The following ATL2 variants were observed in gnomAD, a reference collection of about 807,000 sequenced individuals.
The protein encoded by ATL2 is atlastin-2.
ATL2 carries 31 observed loss-of-function variants against 73.9 expected under a neutral mutation model. The ratio of observed to expected loss-of-function variants is 0.42; its 90% CI spans 0.32 to 0.57. The LOEUF is 0.57. Ranked by LOEUF, ATL2 falls within the 20% of genes least tolerant of loss-of-function variation. The probability of loss-of-function intolerance (pLI) is 0.14; values close to 1 mark genes in which losing one functional copy is unlikely to be tolerated. For synonymous variants in ATL2, 291 were observed against 237.5 expected (o/e 1.23, Z -2.07); for missense variants, 738 against 702.6 (o/e 1.05, Z -0.57).
chr2:38,364,042 T>C (rs1289350759), intron 1 of ATL2, among the ~76,000 whole-genome samples: 4 of 152,118 alleles, frequency 2.6e-5, no homozygotes, highest in African/African-American at 9.7e-5. Context: ...GGCAGGCAGA[T>C]CATGAGGTCA....
At chr2:38,320,235 T>A (rs751546557) in intron 2 of ATL2, among the ~76,000 whole-genome samples, 53 of 152,314 alleles carry the variant, frequency 3.5e-4, no homozygotes, top group Non-Finnish European at 7.4e-4. Flanking sequence ...AAACTGGTTA[T>A]CTCATTAGAT....
intron 12 of ATL2, chr2:38,296,488 T>A: frequency 6.2e-7 from 1 of 1,611,182 alleles, no homozygotes; most frequent in Non-Finnish European, 8.5e-7. Flanking sequence ...ACTGTCTAAT[T>A]TTTCTTCTTG....
At position 38,296,397 on chromosome 2, in the gene ATL2, T is replaced by C. The variant is rs917159852; in HGVS notation, c.1633-284A>G. The C allele has an allele frequency of 3.8e-5, 58 of 1,531,590 alleles. 3 individuals are homozygous for C. The South Asian group carries it at 5.9e-4, about 16-fold the overall frequency. The allele number at this position is 1,531,590 out of a possible 1,614,324, so 94.9% of individuals were successfully genotyped here. ...AAATCTGGTATGTATACAGCATTTATGCAGACCGGCCCAGACGGTCCTGCT... is the reference window on the plus strand; with the variant it reads ...AAATCTGGTATGTATACAGCATTTACGCAGACCGGCCCAGACGGTCCTGCT... On this transcript the variant is annotated intron_variant, in intron 12 of 12. Coordinates refer to ENST00000378954, the MANE Select transcript of ATL2 (RefSeq NM_001135673.4).
intron 1 of ATL2, among the ~76,000 whole-genome samples, chr2:38,354,464 C>T (rs910378718): frequency 2.0e-5 from 3 of 152,042 alleles, no homozygotes; most frequent in Non-Finnish European, 4.4e-5. Flanking sequence ...AAATTACACC[C>T]TAAGGTTATG....
intron 1 of ATL2, among the ~76,000 whole-genome samples, chr2:38,347,660 A>G (rs2124424450): frequency 6.6e-6 from 1 of 152,198 alleles, no homozygotes; most frequent in African/African-American, 2.4e-5. Context: ...ATTCTCTACC[A>G]GCACCTACAA....
intron 2 of ATL2, among the ~76,000 whole-genome samples, chr2:38,329,820 A>C (rs932863029): frequency 2.0e-5 from 3 of 152,118 alleles, no homozygotes; most frequent in African/African-American, 7.2e-5. Flanking sequence ...GTAATCCATC[A>C]TAACAATAGT....
At position 38,344,479 on chromosome 2, in the gene ATL2, G is replaced by T. The variant is rs564747896; in HGVS notation, c.119-967C>A. Among the ~76,000 whole-genome samples, 97 of 152,154 alleles carry T rather than the reference G, an allele frequency of 6.4e-4. 1 individual carries two copies. Among genetic ancestry groups the T allele is most frequent in the African/African-American group, 2.3e-3 (94 of 41,502 alleles). On this transcript the variant is annotated intron_variant, in intron 1 of 12. Coordinates refer to ENST00000378954, the MANE Select transcript of ATL2 (RefSeq NM_001135673.4). ...ACAAAAATTAGCTGGGCATGGTAGC[G>T]GGCGCCTGTAGTCCCAGCTACTTGG...
intron 2 of ATL2, among the ~76,000 whole-genome samples, chr2:38,320,899 C>CT (rs1022319216): frequency 2.8e-4 from 42 of 151,646 alleles, no homozygotes; most frequent in African/African-American, 9.0e-4. Context: ...AATCCCAGCA[C>CT]TTTGAGAGGC....
At chr2:38,365,889 G>T (rs1671294881) in intron 1 of ATL2, among the ~76,000 whole-genome samples, 1 of 152,022 alleles carries the variant, frequency 6.6e-6, no homozygotes, top group African/African-American at 2.4e-5. Flanking sequence ...AGAGGTTGCA[G>T]TGAGCCAAGA....
chr2:38,300,583 C>A, intron 9 of ATL2: 1 of 354,778 alleles, frequency 2.8e-6, no homozygotes. Context: ...TATAAAATGC[C>A]ATCTTCTTTA....
At chr2:38,324,675 C>CTT (rs1668500173) in intron 2 of ATL2, among the ~76,000 whole-genome samples, 1 of 152,214 alleles carries the variant, frequency 6.6e-6, no homozygotes, top group South Asian at 2.1e-4. Flanking sequence ...AAGGACAACT[C>CTT]TAACTACTTA....
At chr2:38,320,763 G>T (rs72902147) in intron 2 of ATL2, among the ~76,000 whole-genome samples, 1 of 152,028 alleles carries the variant, frequency 6.6e-6, no homozygotes, top group African/African-American at 2.4e-5. Context: ...GCGTGAATTA[G>T]GAGTGGAGAG....
intron 9 of ATL2, among the ~76,000 whole-genome samples, chr2:38,307,809 G>C (rs1379791201): frequency 1.3e-5 from 2 of 152,082 alleles, no homozygotes; most frequent in Non-Finnish European, 2.9e-5. Context: ...CAAAAGATCT[G>C]AACAGACATT....
At chr2:38,371,854 G>A (rs1671708923) in intron 1 of ATL2, among the ~76,000 whole-genome samples, 4 of 152,132 alleles carry the variant, frequency 2.6e-5, no homozygotes, top group Admixed American at 2.6e-4. Flanking sequence ...CCAAGATCAC[G>A]CCACTGTACT....
chr2:38,314,706 T>C (rs769277598), intron 5 of ATL2, 42 bp from the exon 6 acceptor site: 1 of 1,333,172 alleles, frequency 7.5e-7, no homozygotes, highest in South Asian at 1.3e-5. Flanking sequence ...CTAAAGAGAT[T>C]GAAAGAAGAC....
intron 1 of ATL2, among the ~76,000 whole-genome samples, chr2:38,374,914 AT>A (rs1257540789): frequency 6.6e-6 from 1 of 152,248 alleles, no homozygotes; most frequent in Non-Finnish European, 1.5e-5. Context: ...ACTTAAGGCC[AT>A]AATCTTATTT....
At chr2:38,296,593 A>C (rs1337237893) in intron 12 of ATL2, 2 of 1,613,748 alleles carry the variant, frequency 1.2e-6, no homozygotes, top group Non-Finnish European at 1.7e-6. Flanking sequence ...GAAAACACCT[A>C]AAACATGAAG....
intron 12 of ATL2, chr2:38,297,784 G>A (rs759028326): frequency 3.7e-5 from 6 of 163,900 alleles, no homozygotes; most frequent in African/African-American, 9.6e-5. Context: ...TTTGCTTTCC[G>A]AAAGCACCAC....
chr2:38,320,291 C>T (rs1668248884), intron 2 of ATL2, among the ~76,000 whole-genome samples: 2 of 151,964 alleles, frequency 1.3e-5, no homozygotes, highest in South Asian at 2.1e-4. Context: ...GCTAATGATA[C>T]TGTGGTTAGG....
Sources: allele counts gnomAD v4.1 joint callset (sites outside exome capture counted in the v4.1 genomes callset), GRCh38; gene constraint gnomAD v4.1.1; transcripts MANE v1.5; gene names NCBI Gene and HGNC (gene_info 2026-07-23, HGNC 2026-07-21).